The following WDR76 variants were observed in gnomAD, a reference collection of about 807,000 sequenced individuals.
WDR76 encodes the protein WD repeat domain 76, also known as WD repeat-containing protein 76.
In WDR76, 52 loss-of-function variants were observed where a neutral mutation model predicts 70.2. The observed-to-expected ratio is 0.74, with a 90% CI of 0.59 to 0.93. WDR76 has a LOEUF of 0.93. Among genes scored for constraint, WDR76 ranks in the 40% least tolerant of loss-of-function variants. The pLI, the probability that WDR76 is intolerant of heterozygous loss-of-function variation, is 0.00. For missense variants in WDR76, 756 were observed against 760.2 expected (o/e 0.99, Z 0.07); for synonymous variants, 292 against 271.1 (o/e 1.08, Z -0.76).
chr15:43,834,573 A>G (rs1367195160), intron 2 of WDR76, among the ~76,000 whole-genome samples: 2 of 151,750 alleles, frequency 1.3e-5, no homozygotes, highest in African/African-American at 2.4e-5. Context: ...CGGCCTCCCA[A>G]AGTGCTGGGA....
intron 3 of WDR76, among the ~76,000 whole-genome samples, 198 bp downstream of exon 3, chr15:43,835,348 G>A (rs1430364090): frequency 7.2e-6 from 1 of 138,158 alleles, no homozygotes; most frequent in East Asian, 2.1e-4. Context: ...AATTAGTTGA[G>A]CATAGTGATG....
intron 12 of WDR76, among the ~76,000 whole-genome samples, chr15:43,865,351 T>C (rs983927159): frequency 3.9e-5 from 6 of 152,060 alleles, no homozygotes; most frequent in Non-Finnish European, 2.9e-5. Context: ...TGGCTCACTG[T>C]AGCCTCCATC....
At chr15:43,834,604 G>T (rs951480181) in intron 2 of WDR76, among the ~76,000 whole-genome samples, 2 of 151,698 alleles carry the variant, frequency 1.3e-5, no homozygotes, top group Non-Finnish European at 2.9e-5. Flanking sequence ...GAGCCACCAC[G>T]TCTGACCAAC....
intron 3 of WDR76, among the ~76,000 whole-genome samples, chr15:43,835,892 G>A (rs2087649549): frequency 6.6e-6 from 1 of 151,750 alleles, no homozygotes; most frequent in Admixed American, 6.6e-5. Flanking sequence ...GCTGACCTCG[G>A]GTGATCTACT....
intron 4 of WDR76, among the ~76,000 whole-genome samples, chr15:43,838,395 A>G (rs1465494125): frequency 1.3e-5 from 2 of 151,688 alleles, no homozygotes; most frequent in African/African-American, 2.4e-5. Context: ...CATGTTGGCA[A>G]GGCTGGTCTG....
Position 43,839,869 on chromosome 15 carries a change from T to G in WDR76, c.732+141T>G, listed in dbSNP as rs1053923260. 7.0e-6 allele frequency: 8 copies of G among 1,145,252 alleles called. No individual in the cohort carries two copies. In the Admixed American group the frequency reaches 1.6e-4, roughly 23 times the overall value. The allele number at this position is 1,145,252 out of a possible 1,614,324, so 70.9% of individuals were successfully genotyped here. On this transcript the variant is annotated intron_variant, in intron 5 of 12. Coordinates refer to ENST00000263795, the MANE Select transcript of WDR76 (RefSeq NM_024908.4). ...TTGAATGTTGTATGGTTTTGTTTTG[T>G]TTTTTTGAGATGGAGTCTCACTCTG... is the stretch of plus-strand genomic sequence containing the variant.
chr15:43,858,264 G>GT (rs2087955041), intron 10 of WDR76, among the ~76,000 whole-genome samples: 4 of 144,438 alleles, frequency 2.8e-5, no homozygotes, highest in African/African-American at 1.0e-4. Context: ...TTGTTTGTTT[G>GT]TTTGTTTGAA....
At position 43,829,713 on chromosome 15, in the gene WDR76, C is replaced by T. The variant is rs561732070; in HGVS notation, c.462+1347C>T. On this transcript the variant is annotated intron_variant, in intron 2 of 12. Transcript: ENST00000263795. The stretch of plus-strand genomic sequence containing the variant: ...AGTAGAGACAGGGTTCCACCATGTT[C>T]GCCAGGATGGTCTCGATCTCCTGAC... Among the ~76,000 whole-genome samples the T allele has an allele frequency of 1.1e-4, 17 of 151,398 alleles. 1 individual carries two copies. In the East Asian group the frequency reaches 1.8e-3, roughly 16 times the overall value.
intron 11 of WDR76, among the ~76,000 whole-genome samples, chr15:43,859,899 C>T (rs1042954700): frequency 1.3e-5 from 2 of 152,212 alleles, no homozygotes; most frequent in African/African-American, 4.8e-5. Context: ...CTGTTAGTTT[C>T]CTTCTGCTGT....
In WDR76 at chr15:43,847,560, A is replaced by G. The variant is rs1455370291; in HGVS notation, c.1032+3506A>G. Among the ~76,000 whole-genome samples the G allele has an allele frequency of 1.9e-4, 29 of 152,032 alleles. 1 individual carries two copies. The highest frequency in any genetic ancestry group is 1.4e-3 in the Admixed American group (21 of 15,252). ...CTCAGCCTCCCAAGTGGCTGGGATT[A>G]CAGGCGTCCGCTACCACACCTGGCT... On this transcript the variant is annotated intron_variant, in intron 8 of 12. Coordinates refer to ENST00000263795, the MANE Select transcript of WDR76 (RefSeq NM_024908.4).
chr15:43,845,434 C>T (rs2087776609), intron 8 of WDR76, among the ~76,000 whole-genome samples: 1 of 150,060 alleles, frequency 6.7e-6, no homozygotes, highest in African/African-American at 2.4e-5. Context: ...AGACCACTGT[C>T]CCTTCTACCA....
intron 8 of WDR76, among the ~76,000 whole-genome samples, chr15:43,850,755 T>C (rs1199668239): frequency 6.6e-6 from 1 of 152,224 alleles, no homozygotes; most frequent in Non-Finnish European, 1.5e-5. Flanking sequence ...ACTGTTTTAG[T>C]TAGCAATTAT....
rs1314521365 is a variant in WDR76 at position 43,827,682 on chromosome 15, C to A, written c.61-283C>A. Among the ~76,000 whole-genome samples the A allele has an allele frequency of 3.9e-5, 6 of 152,080 alleles. No homozygotes were observed. In the East Asian group the frequency reaches 1.2e-3, roughly 29 times the overall value. ...GCCTCAGCCTCCTGAGTAGCTGGGA[C>A]TACAGGCGTGTGCCACTATGCCCAG... On this transcript the variant is annotated intron_variant, in intron 1 of 12. Transcript: ENST00000263795.
chr15:43,836,767 C>T (rs1363183875), intron 4 of WDR76, among the ~76,000 whole-genome samples: 1 of 151,860 alleles, frequency 6.6e-6, no homozygotes, highest in South Asian at 2.1e-4. Context: ...TGCAGTGGCT[C>T]ATGCCTATAA....
chr15:43,852,569 AC>A (rs1295243897), intron 9 of WDR76, among the ~76,000 whole-genome samples: 5 of 151,992 alleles, frequency 3.3e-5, no homozygotes, highest in Admixed American at 1.3e-4. Flanking sequence ...ACGGGGTTTC[AC>A]CATGTTGACC....
chr15:43,866,577 C>A lies in WDR76; in HGVS notation c.*185C>A. On this transcript the variant is annotated 3_prime_UTR_variant, in exon 13 of 13. Coordinates refer to ENST00000263795, the MANE Select transcript of WDR76 (RefSeq NM_024908.4). Reference sequence around the variant, plus strand: ...GAGAAGTCTTGGAGGGTTGCTTCTGCAGGACGGGGAGGGAATTTGAGGGGA... The same window carrying A: ...GAGAAGTCTTGGAGGGTTGCTTCTGAAGGACGGGGAGGGAATTTGAGGGGA... The A allele has an allele frequency of 3.2e-6, 2 of 631,660 alleles. No individual in the cohort carries two copies. The highest frequency in any genetic ancestry group is 2.7e-5 in the South Asian group (1 of 36,538). 39.1% of individuals were successfully genotyped at this position (631,660 alleles called of 1,614,324 possible).
At chr15:43,841,934 C>A (rs554603978) in intron 5 of WDR76, among the ~76,000 whole-genome samples, 2 of 152,012 alleles carry the variant, frequency 1.3e-5, no homozygotes, top group Non-Finnish European at 2.9e-5. Context: ...ATAGTGCAGT[C>A]TTGGCTCACT....
chr15:43,836,250 A>G, intron 4 of WDR76, 34 bp downstream of exon 4: 1 of 1,589,910 alleles, frequency 6.3e-7, no homozygotes, highest in Non-Finnish European at 8.6e-7. Context: ...CTGAACCATG[A>G]TACATTGCTC....
chr15:43,832,218 T>C (rs192720344), intron 2 of WDR76, among the ~76,000 whole-genome samples: 266 of 152,236 alleles, frequency 1.7e-3, no homozygotes, highest in Non-Finnish European at 7.6e-4. Flanking sequence ...GATCTTTTTT[T>C]CCCCTCTGCA....
Sources: allele counts gnomAD v4.1 joint callset (sites outside exome capture counted in the v4.1 genomes callset), GRCh38; gene constraint gnomAD v4.1.1; transcripts MANE v1.5; gene names NCBI Gene and HGNC (gene_info 2026-07-23, HGNC 2026-07-21).